Variants in DYM observed in about 807,000 individuals in gnomAD.
The protein encoded by DYM is dymeclin.
DYM carries 78 observed loss-of-function variants against 93.1 expected under a neutral mutation model. The observed-to-expected ratio is 0.84, with a 90% CI of 0.70 to 1.01. The LOEUF (loss-of-function observed/expected upper bound fraction) is 1.01, where lower values mean the gene tolerates loss of function less well. DYM is among the 50% of genes least tolerant of loss of function. The probability of loss-of-function intolerance (pLI) is 0.00; values close to 1 mark genes in which losing one functional copy is unlikely to be tolerated. For missense variants in DYM, 789 were observed against 845.0 expected (o/e 0.93, Z 0.82); for synonymous variants, 321 against 319.7 (o/e 1.00, Z -0.04).
At chr18:49,094,014 A>G (rs2079320219) in intron 17 of DYM, among the ~76,000 whole-genome samples, 1 of 152,226 alleles carries the variant, frequency 6.6e-6, no homozygotes, top group African/African-American at 2.4e-5. Flanking sequence ...TCTTGAGTAA[A>G]TGAAGTTTGG....
chr18:49,318,549 G>T (rs1164835612), intron 8 of DYM, among the ~76,000 whole-genome samples: 1 of 152,064 alleles, frequency 6.6e-6, no homozygotes, highest in Non-Finnish European at 1.5e-5. Flanking sequence ...TTGAACCAGG[G>T]AGTCAGAGGT....
intron 6 of DYM, among the ~76,000 whole-genome samples, chr18:49,357,978 A>G (rs2065711274): frequency 6.6e-6 from 1 of 152,096 alleles, no homozygotes; most frequent in Non-Finnish European, 1.5e-5. Flanking sequence ...GCAAGACCTC[A>G]TCTCTAAAAA....
intron 8 of DYM, among the ~76,000 whole-genome samples, chr18:49,326,095 C>A (rs541765337): frequency 6.6e-6 from 1 of 152,104 alleles, no homozygotes; most frequent in African/African-American, 2.4e-5. Context: ...ATTACCAGGT[C>A]CCACCTCATG....
At position 49,213,342 on chromosome 18, in the gene DYM, A is replaced by G. The variant is rs539389806; in HGVS notation, c.1461-3627T>C. Among the ~76,000 whole-genome samples, 7 of 148,410 alleles carry G rather than the reference A, an allele frequency of 4.7e-5. No individual in the cohort carries two copies. The South Asian group carries it at 1.3e-3, about 27-fold the overall frequency. ...GATGGAGTTTTGCCCTGTTGCCTAGACTGGAGTGCAATGGCATGATCTCGG... is the reference window on the plus strand; with the variant it reads ...GATGGAGTTTTGCCCTGTTGCCTAGGCTGGAGTGCAATGGCATGATCTCGG... On this transcript the variant is annotated intron_variant, in intron 13 of 17. Transcript: ENST00000675505.
chr18:49,221,359 G>T (rs970439245), intron 13 of DYM, among the ~76,000 whole-genome samples: 3 of 152,098 alleles, frequency 2.0e-5, no homozygotes, highest in Admixed American at 6.5e-5. Context: ...GATTCCTCAG[G>T]GATCTAGAAC....
intron 14 of DYM, among the ~76,000 whole-genome samples, chr18:49,165,727 A>G (rs79943842): frequency 0.013 from 1,955 of 152,312 alleles, 45 homozygotes; most frequent in African/African-American, 0.045. Context: ...TACTGAATGA[A>G]TAAGTATGAA....
chr18:49,394,735 G>C (rs1337929597), intron 2 of DYM, among the ~76,000 whole-genome samples: 1 of 151,948 alleles, frequency 6.6e-6, no homozygotes, highest in African/African-American at 2.4e-5. Flanking sequence ...TCATTGCAGA[G>C]ATCTTTACCT....
chr18:49,363,572 G>T (rs1294957972), intron 5 of DYM, among the ~76,000 whole-genome samples: 1 of 152,148 alleles, frequency 6.6e-6, no homozygotes, highest in Non-Finnish European at 1.5e-5. Context: ...ATATGAAACA[G>T]ATAAAAATCA....
At chr18:49,081,260 G>C (rs568803726) in intron 17 of DYM, among the ~76,000 whole-genome samples, 24 of 151,106 alleles carry the variant, frequency 1.6e-4, no homozygotes, top group East Asian at 1.2e-3. Context: ...CCGGCACCTC[G>C]GGAGGCCGAG....
chr18:49,353,204 A>G (rs117058705), intron 6 of DYM, among the ~76,000 whole-genome samples: 2,154 of 152,218 alleles, frequency 0.014, 102 homozygotes, highest in East Asian at 0.095. Flanking sequence ...ATGTTACAAG[A>G]TTTACCTAGA....
intron 16 of DYM, among the ~76,000 whole-genome samples, chr18:49,109,262 T>C (rs2081175697): frequency 6.6e-6 from 1 of 152,162 alleles, no homozygotes; most frequent in Non-Finnish European, 1.5e-5. Flanking sequence ...GTTGTTGTTG[T>C]TCCACTATTT....
chr18:49,193,153 C>T (rs1260271519), intron 14 of DYM, among the ~76,000 whole-genome samples: 1 of 151,634 alleles, frequency 6.6e-6, no homozygotes, highest in African/African-American at 2.4e-5. Flanking sequence ...CCACTTTGCA[C>T]CCCATAAATA....
intron 8 of DYM, among the ~76,000 whole-genome samples, chr18:49,296,559 C>CG (rs1334405178): frequency 1.8e-4 from 27 of 151,536 alleles, no homozygotes; most frequent in Non-Finnish European, 3.7e-4. Context: ...GTCAGTTTGT[C>CG]GGGGGGAATA....
At chr18:49,386,294 T>C (rs961052037) in intron 3 of DYM, among the ~76,000 whole-genome samples, 1 of 152,156 alleles carries the variant, frequency 6.6e-6, no homozygotes, top group African/African-American at 2.4e-5. Flanking sequence ...CCAAGAATTC[T>C]ATATCTAGAA....
rs35365795 is a variant in DYM at position 49,287,805 on chromosome 18, A to T, written c.764-1189T>A. Among the ~76,000 whole-genome samples, 896 of 132,034 alleles carry T rather than the reference A, an allele frequency of 6.8e-3. 3 individuals carry two copies. Among genetic ancestry groups the T allele is most frequent in the Non-Finnish European group, 0.01 (681 of 64,864 alleles). 86.6% of individuals were successfully genotyped at this position (132,034 alleles called of 152,430 possible). On this transcript the variant is annotated intron_variant, in intron 8 of 17. Coordinates refer to ENST00000675505, the MANE Select transcript of DYM (RefSeq NM_001353214.3). ...GGTTGCGGTGAGCTGAGATCGCGCC[A>T]CAACAAGAGCGAAACTCCGTCTCAA...
intron 15 of DYM, among the ~76,000 whole-genome samples, chr18:49,156,766 C>G (rs2086502242): frequency 6.8e-6 from 1 of 147,972 alleles, no homozygotes; most frequent in South Asian, 2.1e-4. Context: ...GTGTGGAAGA[C>G]AGCATTTCTA....
At chr18:49,046,178 A>G (rs1423763541) in intron 17 of DYM, among the ~76,000 whole-genome samples, 1 of 150,480 alleles carries the variant, frequency 6.6e-6, no homozygotes, top group Non-Finnish European at 1.5e-5. Flanking sequence ...CACACAGATA[A>G]AACACACAGA....
chr18:49,113,121 T>A (rs1568442245), intron 16 of DYM, among the ~76,000 whole-genome samples: 1 of 152,224 alleles, frequency 6.6e-6, no homozygotes, highest in Non-Finnish European at 1.5e-5. Context: ...TTTAACCTTG[T>A]TTAACAATTG....
chr18:49,072,197 A>G (rs2076946073), intron 17 of DYM, among the ~76,000 whole-genome samples: 1 of 152,200 alleles, frequency 6.6e-6, no homozygotes, highest in Non-Finnish European at 1.5e-5. Context: ...CCATACAACT[A>G]CATGTTTCTC....
Sources: allele counts gnomAD v4.1 joint callset (sites outside exome capture counted in the v4.1 genomes callset), GRCh38; gene constraint gnomAD v4.1.1; transcripts MANE v1.5; gene names NCBI Gene and HGNC (gene_info 2026-07-23, HGNC 2026-07-21).